Variants in L1TD1 observed in about 807,000 individuals in gnomAD.
L1TD1 encodes the protein LINE1 type transposase domain containing 1.
L1TD1 carries 26 observed loss-of-function variants against 25.7 expected under a neutral mutation model. That is an observed-to-expected ratio of 1.01 (90% CI 0.74 to 1.40). The LOEUF (loss-of-function observed/expected upper bound fraction) is 1.40, where lower values mean the gene tolerates loss of function less well. L1TD1 is among the 40% of genes most tolerant of loss of function. L1TD1 has a pLI of 0.00. For synonymous variants in L1TD1, 421 were observed against 335.6 expected (o/e 1.25, Z -2.78); for missense variants, 1,130 against 975.0 (o/e 1.16, Z -2.12).
In L1TD1 at chr1:62,211,260, T is replaced by C. The variant is rs1241832449; in HGVS notation, c.2486T>C (p.Met829Thr). 2.5e-6 allele frequency: 4 copies of C among 1,603,898 alleles called. No homozygotes were observed. In the African/African-American group the frequency reaches 5.4e-5, roughly 21 times the overall value. The change falls in exon 4 of 4, where the codon ATG becomes ACG. Residue 829 changes from methionine to threonine, a missense_variant. Coordinates refer to ENST00000498273, the MANE Select transcript of L1TD1 (RefSeq NM_019079.5). The part of the protein sequence containing the change: ...FNPRILYPAK[M>T]AFDFRGKTKV... ...CCTAGAATCCTATATCCAGCCAAAATGGCATTTGATTTTAGGGGTAAAACA... is the reference window on the plus strand; with the variant it reads ...CCTAGAATCCTATATCCAGCCAAAACGGCATTTGATTTTAGGGGTAAAACA...
chr1:62,212,326 G>C lies in L1TD1; in HGVS notation c.*954G>C, dbSNP rs1670894243. 1 of 152,110 alleles carries C rather than the reference G, an allele frequency of 6.6e-6. No homozygotes were observed. The highest frequency in any genetic ancestry group is 1.5e-5 in the Non-Finnish European group (1 of 68,002). 9.4% of individuals were successfully genotyped at this position (152,110 alleles called of 1,614,324 possible). On this transcript the variant is annotated 3_prime_UTR_variant, in exon 4 of 4. Coordinates refer to ENST00000498273, the MANE Select transcript of L1TD1 (RefSeq NM_019079.5). ...CGAATATATTAAATCTTTTTCCTTT[G>C]AATACTGTATACTGTTTGCTTAAAA...
Position 62,206,666 on chromosome 1 carries a change from C to T in L1TD1, c.38C>T (p.Ala13Val), listed in dbSNP as rs1354902441. ...TCTACTAGTGTACAATCAAAATTTG[C>T]TAGACTTGCAAAGAAAAAGGAAAAT... ...DVSTSVQSKF[A>V]RLAKKKENIT... The change falls in exon 3 of 4, where the codon GCT (alanine) becomes GTT (valine). Residue 13 changes from alanine to valine, a missense_variant. By Grantham distance (64) the Ala-to-Val change is moderately conservative (BLOSUM62 0). Transcript: ENST00000498273. The T allele has an allele frequency of 6.5e-7, 1 of 1,546,802 alleles. No individual in the cohort carries two copies. Among genetic ancestry groups the T allele is most frequent in the Non-Finnish European group, 8.7e-7 (1 of 1,145,518 alleles).
intron 2 of L1TD1, among the ~76,000 whole-genome samples, chr1:62,202,749 T>C (rs1023645091): frequency 7.1e-6 from 1 of 141,744 alleles, no homozygotes; most frequent in Non-Finnish European, 1.5e-5. Context: ...AATGGCACGA[T>C]CCCAGCTCAC....
chr1:62,203,011 G>A (rs1670672165), intron 2 of L1TD1, among the ~76,000 whole-genome samples: 1 of 151,994 alleles, frequency 6.6e-6, no homozygotes, highest in Non-Finnish European at 1.5e-5. Context: ...AACTGGAGAT[G>A]AGGTCTCACT....
chr1:62,205,417 C>CTATA (rs776188584), intron 2 of L1TD1, among the ~76,000 whole-genome samples: 2 of 21,798 alleles, frequency 9.2e-5, no homozygotes, highest in African/African-American at 2.6e-4. Flanking sequence ...CTCTCTCTCT[C>CTATA]TATATATATA....
In L1TD1 at chr1:62,212,217, A is replaced by C. The variant is rs1344913197; in HGVS notation, c.*845A>C. ...CAAGAGTTCAAGGCCATCCTGGGCAATGTGGCGAAAGTGTCTACAAAAAAA... is the reference window on the plus strand; with the variant it reads ...CAAGAGTTCAAGGCCATCCTGGGCACTGTGGCGAAAGTGTCTACAAAAAAA... On this transcript the variant is annotated 3_prime_UTR_variant, in exon 4 of 4. Transcript: ENST00000498273. 1.3e-5 allele frequency: 2 copies of C among 152,140 alleles called. No individual in the cohort carries two copies. Among genetic ancestry groups the C allele is most frequent in the Non-Finnish European group, 2.9e-5 (2 of 68,016 alleles). 9.4% of individuals were successfully genotyped at this position (152,140 alleles called of 1,614,324 possible).
Position 62,206,720 on chromosome 1 carries a change from CAG to C in L1TD1, c.94_95del (p.Glu32AsnfsTer2). 6.4e-7 allele frequency: 1 copy of C among 1,551,066 alleles called. No homozygotes were observed. Among genetic ancestry groups the C allele is most frequent in the Non-Finnish European group, 8.7e-7 (1 of 1,146,780 alleles). ...ACCTATATGAAAAGAGAGCAGTTAA[CAG>C]AAACTGATAAGGACATAGCTCCGGT... On this transcript the variant is annotated frameshift_variant, in exon 3 of 4. Transcript: ENST00000498273. LOFTEE classifies it high-confidence loss of function.
intron 2 of L1TD1, among the ~76,000 whole-genome samples, chr1:62,197,830 T>G (rs978816411): frequency 6.6e-6 from 1 of 152,060 alleles, no homozygotes; most frequent in Non-Finnish European, 1.5e-5. Context: ...GAGCTGAGAT[T>G]GTGCCACCTG....
chr1:62,209,668 A>G (rs2149102213), intron 3 of L1TD1, 115 bp from the exon 4 acceptor site: 1 of 936,398 alleles, frequency 1.1e-6, no homozygotes, highest in South Asian at 2.2e-5. Context: ...TTTTTCAGAT[A>G]TTTTCTGTCA....
At chr1:62,205,502 G>A (rs1670729152) in intron 2 of L1TD1, among the ~76,000 whole-genome samples, 1 of 140,632 alleles carries the variant, frequency 7.1e-6, no homozygotes, top group Non-Finnish European at 1.5e-5. Context: ...CTTGAACTTG[G>A]CTCACTGAAA....
intron 3 of L1TD1, among the ~76,000 whole-genome samples, 200 bp downstream of exon 3, chr1:62,207,836 C>T (rs527793884): frequency 4.6e-5 from 7 of 152,218 alleles, no homozygotes; most frequent in African/African-American, 1.7e-4. Flanking sequence ...CCTTGGCCTC[C>T]CAAGTAGCTG....
intron 2 of L1TD1, among the ~76,000 whole-genome samples, chr1:62,197,906 A>AAAACC (rs1553121930): frequency 6.7e-6 from 1 of 149,542 alleles, no homozygotes; most frequent in East Asian, 2.1e-4. Flanking sequence ...AAAACAAAAC[A>AAAACC]AAACCCTGTA....
intron 2 of L1TD1, among the ~76,000 whole-genome samples, chr1:62,198,062 A>G (rs1022905520): frequency 6.6e-6 from 1 of 152,276 alleles, no homozygotes; most frequent in South Asian, 2.1e-4. Flanking sequence ...AATAGTGTTA[A>G]AAGTATAAAG....
chr1:62,196,141 C>A (rs1670535032), intron 1 of L1TD1, among the ~76,000 whole-genome samples: 1 of 152,150 alleles, frequency 6.6e-6, no homozygotes, highest in African/African-American at 2.4e-5. Context: ...AAATCGAATT[C>A]TTGTTCAAAT....
At position 62,211,630 on chromosome 1, in the gene L1TD1, C is replaced by A. The variant is rs1342866175; in HGVS notation, c.*258C>A. On this transcript the variant is annotated 3_prime_UTR_variant, in exon 4 of 4. Transcript: ENST00000498273. Reference sequence around the variant, plus strand: ...AGATAGAATTCCTTGTTTTACTTCCCCCCCACCACCTCCCTACTGCAGTTG... The same window carrying A: ...AGATAGAATTCCTTGTTTTACTTCCACCCCACCACCTCCCTACTGCAGTTG... 2.8e-6 allele frequency: 1 copy of A among 356,724 alleles called. No individual in the cohort carries two copies. Among genetic ancestry groups the A allele is most frequent in the Non-Finnish European group, 4.8e-6 (1 of 209,982 alleles). 22.1% of individuals were successfully genotyped at this position (356,724 alleles called of 1,614,324 possible).
chr1:62,209,689 C>G (rs1464206592), intron 3 of L1TD1, 94 bp from the exon 4 acceptor site: 15 of 1,038,684 alleles, frequency 1.4e-5, no homozygotes, highest in Non-Finnish European at 1.9e-5. Context: ...GAATTGAAGC[C>G]ATATTAAAAT....
intron 2 of L1TD1, among the ~76,000 whole-genome samples, chr1:62,203,932 G>A (rs1437445157): frequency 2.0e-5 from 3 of 151,966 alleles, no homozygotes; most frequent in Admixed American, 6.6e-5. Flanking sequence ...CGCCATCTCG[G>A]CCAGGCCGGT....
Position 62,206,512 on chromosome 1 carries a change from AT to A in L1TD1, c.-110-4del. 9.5e-7 allele frequency: 1 copy of A among 1,052,356 alleles called. No homozygotes were observed. The highest frequency in any genetic ancestry group is 1.3e-6 in the Non-Finnish European group (1 of 784,136). The allele number at this position is 1,052,356 out of a possible 1,614,324, so 65.2% of individuals were successfully genotyped here. A position where few individuals can be genotyped will look rare whatever the true frequency, so the allele number is the denominator to read the frequency against. On this transcript the variant is annotated splice_polypyrimidine_tract_variant and splice_region_variant and intron_variant, in intron 2 of 3. Coordinates refer to ENST00000498273, the MANE Select transcript of L1TD1 (RefSeq NM_019079.5). ...AGTAAGTAATTTTTCATTTTTTTGTATTTCAGATTGACGTATTTTAAGATTT... is the reference window on the plus strand; with the variant it reads ...AGTAAGTAATTTTTCATTTTTTTGTATTCAGATTGACGTATTTTAAGATTT...
At chr1:62,203,286 G>A (rs1670677308) in intron 2 of L1TD1, among the ~76,000 whole-genome samples, 1 of 152,040 alleles carries the variant, frequency 6.6e-6, no homozygotes, top group African/African-American at 2.4e-5. Context: ...TACTGTTTAA[G>A]TATACAATAA....
Sources: allele counts gnomAD v4.1 joint callset (sites outside exome capture counted in the v4.1 genomes callset), GRCh38; gene constraint gnomAD v4.1.1; transcripts MANE v1.5; gene names NCBI Gene and HGNC (gene_info 2026-07-23, HGNC 2026-07-21).